PRKG2: variants seen among roughly 807,000 people sequenced by gnomAD.
The protein encoded by PRKG2 is protein kinase cGMP-dependent 2.
Under a neutral mutation model 97.2 loss-of-function variants are expected in PRKG2, and 33 were observed. The ratio of observed to expected loss-of-function variants is 0.34; its 90% CI spans 0.26 to 0.45. The LOEUF is 0.45. Ranked by LOEUF, PRKG2 falls within the 20% of genes least tolerant of loss-of-function variation. PRKG2 has a pLI of 1.00. For missense variants in PRKG2, 638 were observed against 900.0 expected (o/e 0.71, Z 3.73); for synonymous variants, 330 against 321.8 (o/e 1.03, Z -0.27).
At chr4:81,174,741 T>C (rs1750775153) in intron 3 of PRKG2, 52 bp downstream of exon 3, 2 of 1,505,780 alleles carry the variant, frequency 1.3e-6, no homozygotes, top group Non-Finnish European at 1.8e-6. Context: ...TTGCAGAAAA[T>C]CATAACAGGC....
intron 12 of PRKG2, among the ~76,000 whole-genome samples, chr4:81,139,781 CA>C (rs548249378): frequency 0.21 from 15,596 of 75,402 alleles, 1,362 homozygotes; most frequent in East Asian, 0.5. Flanking sequence ...TCTCAAAAGA[CA>C]AAAAAAAAAA....
In PRKG2 at chr4:81,103,682, T is replaced by C. The variant is rs1283461358; in HGVS notation, c.2126+688A>G. On this transcript the variant is annotated intron_variant, in intron 17 of 18. Coordinates refer to ENST00000264399, the MANE Select transcript of PRKG2 (RefSeq NM_006259.3). ...AATTAGAATGTAATTCCTTCACAGA[T>C]TCCAAGTTGATATTTCAAAGTATAA... 2.6e-5 allele frequency among the ~76,000 whole-genome samples: 4 copies of C among 152,180 alleles called. No homozygotes were observed. The South Asian group carries it at 8.3e-4, about 31-fold the overall frequency.
chr4:81,105,876 T>C lies in PRKG2; in HGVS notation c.2000A>G (p.Glu667Gly). ...MTYNLILKGIEKMDFPRKITR... is the reference protein window; with the variant it reads ...MTYNLILKGIGKMDFPRKITR... Reference sequence around the variant, plus strand: ...TATCTTCCTGGGAAAATCCATTTTTTCAATTCCTTTGAGAATCAAATTGTA... The same window carrying C: ...TATCTTCCTGGGAAAATCCATTTTTCCAATTCCTTTGAGAATCAAATTGTA... The change falls in exon 16 of 19, where the codon GAA (glutamate) becomes GGA (glycine). Residue 667 changes from glutamate to glycine, a missense_variant. Physicochemically the swap from Glu to Gly is moderately conservative, Grantham distance 98 (BLOSUM62 -2). Transcript: ENST00000264399. 6.2e-7 allele frequency: 1 copy of C among 1,613,906 alleles called. No individual in the cohort carries two copies. Among genetic ancestry groups the C allele is most frequent in the South Asian group, 1.1e-5 (1 of 91,084 alleles).
intron 1 of PRKG2, among the ~76,000 whole-genome samples, chr4:81,207,664 T>C (rs1359536884): frequency 1.3e-5 from 2 of 152,188 alleles, no homozygotes; most frequent in African/African-American, 4.8e-5. Context: ...AAAACACCAA[T>C]TATCCTCTGG....
rs549269060 is a variant in PRKG2, at chr4:81,107,594, C to A, written c.1941-1659G>T. ...GTGGTGCAATCTCGGCTCACTGCAA[C>A]CTCCACCTCCTGGGTTCAAGTGATT... is the stretch of plus-strand genomic sequence containing the variant. On this transcript the variant is annotated intron_variant, in intron 15 of 18. Coordinates refer to ENST00000264399, the MANE Select transcript of PRKG2 (RefSeq NM_006259.3). 2.9e-3 allele frequency among the ~76,000 whole-genome samples: 440 copies of A among 152,122 alleles called. 1 individual carries two copies. Among genetic ancestry groups the A allele is most frequent in the African/African-American group, 1.0e-2 (415 of 41,514 alleles).
At chr4:81,099,150 T>G (rs1215111015) in intron 17 of PRKG2, among the ~76,000 whole-genome samples, 1 of 152,164 alleles carries the variant, frequency 6.6e-6, no homozygotes, top group Admixed American at 6.6e-5. Context: ...AGACACAAGA[T>G]AGCAGAGCTC....
At chr4:81,110,670 G>C in intron 14 of PRKG2, 59 bp from the exon 15 acceptor site, 1 of 1,584,678 alleles carries the variant, frequency 6.3e-7, no homozygotes. Context: ...TCCTCTTTAA[G>C]CCTCCCTCTT....
rs897636372 is a variant in PRKG2, at chr4:81,103,308, G to A, written c.2126+1062C>T. On this transcript the variant is annotated intron_variant, in intron 17 of 18. Coordinates refer to ENST00000264399, the MANE Select transcript of PRKG2 (RefSeq NM_006259.3). ...ATATCTCCTAATGCTATCCCTCCCC[G>A]CTCCCCCCACCCCACAACAGGCCGT... Among the ~76,000 whole-genome samples the A allele has an allele frequency of 4.1e-5, 6 of 146,560 alleles. No homozygotes were observed. In the East Asian group the frequency reaches 6.1e-4, roughly 15 times the overall value.
intron 17 of PRKG2, among the ~76,000 whole-genome samples, chr4:81,098,546 A>C (rs1742362723): frequency 6.6e-6 from 1 of 152,114 alleles, no homozygotes; most frequent in Non-Finnish European, 1.5e-5. Context: ...TTTTTATTTA[A>C]AGTGAGAGAC....
At chr4:81,149,317 A>G (rs1748160226) in intron 8 of PRKG2, among the ~76,000 whole-genome samples, 1 of 152,216 alleles carries the variant, frequency 6.6e-6, no homozygotes, top group South Asian at 2.1e-4. Context: ...AAATTAACTT[A>G]TCAGAGAAAT....
At chr4:81,104,290 C>T in intron 17 of PRKG2, 80 bp downstream of exon 17, 2 of 1,009,494 alleles carry the variant, frequency 2.0e-6, no homozygotes, top group East Asian at 3.2e-5. Flanking sequence ...ACCTTTGTGG[C>T]CTCCTGAGAG....
intron 3 of PRKG2, among the ~76,000 whole-genome samples, chr4:81,172,426 G>T (rs1750565188): frequency 6.6e-6 from 1 of 152,048 alleles, no homozygotes; most frequent in Non-Finnish European, 1.5e-5. Context: ...GTGACCTTGG[G>T]CAAGTTACTT....
At chr4:81,157,321 A>G (rs1299154480) in intron 6 of PRKG2, among the ~76,000 whole-genome samples, 1 of 152,218 alleles carries the variant, frequency 6.6e-6, no homozygotes, top group East Asian at 1.9e-4. Flanking sequence ...AATAAACTAG[A>G]AAATCTAGAA....
At chr4:81,217,309 G>A (rs914352826), upstream of PRKG2, among the ~76,000 whole-genome samples, 1 of 152,040 alleles carries the variant, frequency 6.6e-6, no homozygotes, top group Non-Finnish European at 1.5e-5. Context: ...TGGGTCAACT[G>A]GGTCATATGT....
chr4:81,181,447 G>A (rs375557411), intron 2 of PRKG2, among the ~76,000 whole-genome samples: 45 of 150,226 alleles, frequency 3.0e-4, no homozygotes, highest in Admixed American at 5.9e-4. Context: ...ATAAATGAGC[G>A]TCCTAAGCGT....
At chr4:81,093,100 T>C (rs541648244) in intron 17 of PRKG2, among the ~76,000 whole-genome samples, 1 of 152,204 alleles carries the variant, frequency 6.6e-6, no homozygotes, top group South Asian at 2.1e-4. Context: ...TATAGAATCA[T>C]TGTTTCTACC....
chr4:81,158,705 A>G (rs1273790757), intron 6 of PRKG2, among the ~76,000 whole-genome samples: 1 of 152,170 alleles, frequency 6.6e-6, no homozygotes, highest in Non-Finnish European at 1.5e-5. Context: ...CTATACTACA[A>G]GGCTATAGTA....
intron 15 of PRKG2, among the ~76,000 whole-genome samples, chr4:81,107,057 G>C (rs1193007331): frequency 6.6e-6 from 1 of 152,190 alleles, no homozygotes; most frequent in Non-Finnish European, 1.5e-5. Context: ...TTTGCTAATG[G>C]GGTGAATAAG....
chr4:81,203,970 A>G (rs1042619893), intron 2 of PRKG2, among the ~76,000 whole-genome samples: 1 of 152,092 alleles, frequency 6.6e-6, no homozygotes, highest in Non-Finnish European at 1.5e-5. Flanking sequence ...CACCTGCTAT[A>G]GTATTGGCTT....
Sources: allele counts gnomAD v4.1 joint callset (sites outside exome capture counted in the v4.1 genomes callset), GRCh38; gene constraint gnomAD v4.1.1; transcripts MANE v1.5; gene names NCBI Gene and HGNC (gene_info 2026-07-23, HGNC 2026-07-21).